TTC39A: variants seen among roughly 807,000 people sequenced by gnomAD.
TTC39A encodes the protein tetratricopeptide repeat protein 39A.
In TTC39A, 46 loss-of-function variants were observed where a neutral mutation model predicts 82.3. The observed-to-expected ratio is 0.56, with a 90% CI of 0.44 to 0.71. TTC39A has a LOEUF of 0.71. TTC39A is among the 30% of genes least tolerant of loss of function. The pLI, the probability that TTC39A is intolerant of heterozygous loss-of-function variation, is 0.00. For missense variants in TTC39A, 543 were observed against 712.9 expected (o/e 0.76, Z 2.71); for synonymous variants, 254 against 275.2 (o/e 0.92, Z 0.76).
Position 51,321,706 on chromosome 1 carries a change from G to C in TTC39A, c.146+15C>G, listed in dbSNP as rs550068330. The stretch of plus-strand genomic sequence containing the variant: ...TCATGCACACCCCCTACCCCAACCG[G>C]GGCTTGAGCCTCACCTGGGCTTGAG... On this transcript the variant is annotated intron_variant, in intron 2 of 17. Coordinates refer to ENST00000680483, the MANE Select transcript of TTC39A (RefSeq NM_001297663.2). This position sits in a 1 kb window ranked among gnomAD's most constrained non-coding sequence, Gnocchi z 4.6. 7.4e-6 allele frequency: 12 copies of C among 1,612,452 alleles called. No individual in the cohort carries two copies. The highest frequency in any genetic ancestry group is 8.5e-6 in the Non-Finnish European group (10 of 1,179,102).
At chr1:51,290,835 AC>A (rs1644182928) in intron 14 of TTC39A, among the ~76,000 whole-genome samples, 1 of 151,944 alleles carries the variant, frequency 6.6e-6, no homozygotes, top group Non-Finnish European at 1.5e-5. Context: ...ATCTCACCTT[AC>A]CCCAGTGAAG....
rs182800576 is a variant in TTC39A at position 51,321,634 on chromosome 1, G to A, written c.146+87C>T. 1.7e-3 allele frequency: 2,219 copies of A among 1,286,008 alleles called. 3 individuals carry two copies. Among genetic ancestry groups the A allele is most frequent in the Non-Finnish European group, 2.2e-3 (1,957 of 906,858 alleles). The allele number at this position is 1,286,008 out of a possible 1,614,324, so 79.7% of individuals were successfully genotyped here. ...TGACCCAGAAAGCCAAAGGCATTTA[G>A]TTACACAGGGTTCCTCTCATACAAG... On this transcript the variant is annotated intron_variant, in intron 2 of 17. Transcript: ENST00000680483. The surrounding 1 kb of genome is among the most constrained non-coding windows in gnomAD (Gnocchi z 4.6).
intron 1 of TTC39A, among the ~76,000 whole-genome samples, chr1:51,324,822 T>C (rs1341070544): frequency 8.6e-5 from 13 of 151,942 alleles, no homozygotes; most frequent in Admixed American, 8.5e-4. Context: ...CGTGAGCCAC[T>C]GCACCTGGCC....
At chr1:51,305,516 C>A in intron 7 of TTC39A, 1 of 323,076 alleles carries the variant, frequency 3.1e-6, no homozygotes. Context: ...GGAGCCAGCA[C>A]AGATGCTCAC....
intron 1 of TTC39A, among the ~76,000 whole-genome samples, chr1:51,344,071 CG>C (rs1646067714): frequency 6.6e-6 from 1 of 152,162 alleles, no homozygotes; most frequent in East Asian, 1.9e-4. Context: ...GACTTGTAGA[CG>C]GGGGTGGGAG....
At position 51,294,560 on chromosome 1, in the gene TTC39A, G is replaced by C; in HGVS notation, c.1146-49C>G. ...GGAGAGGATGAAAAAGAGCAGGAGA[G>C]GGCAGAGGGTCCCCAGCCTACCCAG... On this transcript the variant is annotated intron_variant, in intron 13 of 17. Transcript: ENST00000680483. This position sits in a 1 kb window ranked among gnomAD's most constrained non-coding sequence, Gnocchi z 4.3. 1 of 1,610,416 alleles carries C rather than the reference G, an allele frequency of 6.2e-7. No individual in the cohort carries two copies. The highest frequency in any genetic ancestry group is 8.5e-7 in the Non-Finnish European group (1 of 1,178,522).
At chr1:51,303,591 TC>T (rs1190483683) in intron 8 of TTC39A, among the ~76,000 whole-genome samples, 1 of 152,162 alleles carries the variant, frequency 6.6e-6, no homozygotes, top group Non-Finnish European at 1.5e-5. Context: ...TGGGAAGGCT[TC>T]CTGGGGGAGA....
At chr1:51,318,602 C>T (rs957952187) in intron 2 of TTC39A, among the ~76,000 whole-genome samples, 1 of 152,156 alleles carries the variant, frequency 6.6e-6, no homozygotes, top group African/African-American at 2.4e-5. Flanking sequence ...GGAAACCAGT[C>T]CCCTGGCCTC....
chr1:51,342,186 A>C (rs1646045741), intron 1 of TTC39A, among the ~76,000 whole-genome samples: 1 of 152,204 alleles, frequency 6.6e-6, no homozygotes. Context: ...TGTAAGATGC[A>C]TGGGCGTTAG....
intron 12 of TTC39A, chr1:51,301,279 A>G (rs1318127565): frequency 1.7e-5 from 5 of 288,866 alleles, no homozygotes; most frequent in Non-Finnish European, 2.6e-5. Flanking sequence ...GCTGGTGACT[A>G]CCATATTTGG....
chr1:51,309,343 G>A lies in TTC39A; in HGVS notation c.424-18C>T, dbSNP rs776755642. Reference sequence around the variant, plus strand: ...TTCTCGTCCTGCAGGAGGAAAAGATGCTGACGGCCTGGCCCAGGTGGGCAG... The same window carrying A: ...TTCTCGTCCTGCAGGAGGAAAAGATACTGACGGCCTGGCCCAGGTGGGCAG... On this transcript the variant is annotated intron_variant, in intron 5 of 17. Transcript: ENST00000680483. The A allele has an allele frequency of 3.1e-6, 5 of 1,612,914 alleles. No individual in the cohort carries two copies. The African/African-American group carries it at 5.3e-5, about 17-fold the overall frequency.
chr1:51,340,777 C>T (rs1387561072), intron 1 of TTC39A, among the ~76,000 whole-genome samples: 2 of 152,310 alleles, frequency 1.3e-5, no homozygotes, highest in East Asian at 1.9e-4. Context: ...GGAGGTGAGT[C>T]CTAACATTAC....
chr1:51,288,046 T>C lies in TTC39A; in HGVS notation c.*111A>G, dbSNP rs2148087698. 1 of 1,475,780 alleles carries C rather than the reference T, an allele frequency of 6.8e-7. No homozygotes were observed. 91.4% of individuals were successfully genotyped at this position (1,475,780 alleles called of 1,614,324 possible). ...ACTATGTTGTGCCATCCAACTGGAGTGCCGGTGGACCCCAAAGGCAGGGCA... is the reference window on the plus strand; with the variant it reads ...ACTATGTTGTGCCATCCAACTGGAGCGCCGGTGGACCCCAAAGGCAGGGCA... On this transcript the variant is annotated 3_prime_UTR_variant, in exon 18 of 18. Coordinates refer to ENST00000680483, the MANE Select transcript of TTC39A (RefSeq NM_001297663.2). The surrounding 1 kb of genome is among the most constrained non-coding windows in gnomAD (Gnocchi z 4.8).
intron 16 of TTC39A, 138 bp downstream of exon 16, chr1:51,289,867 T>C: frequency 1.5e-6 from 1 of 658,400 alleles, no homozygotes; most frequent in Admixed American, 3.0e-5. Flanking sequence ...TGGCACAGAG[T>C]GGACACTGGT....
intron 2 of TTC39A, among the ~76,000 whole-genome samples, chr1:51,318,673 A>G (rs2148263773): frequency 6.6e-6 from 1 of 152,276 alleles, no homozygotes; most frequent in African/African-American, 2.4e-5. Context: ...AAAGAAGGGG[A>G]CTACGGAGAG....
At chr1:51,319,246 T>C (rs1259571086) in intron 2 of TTC39A, among the ~76,000 whole-genome samples, 2 of 151,680 alleles carry the variant, frequency 1.3e-5, no homozygotes, top group African/African-American at 2.4e-5. Flanking sequence ...GTTACAGAGA[T>C]AAAGAAGTCA....
chr1:51,341,212 A>C lies in TTC39A; in HGVS notation c.53+3779T>G, dbSNP rs1646032930. Among the ~76,000 whole-genome samples, 6 of 131,006 alleles carry C rather than the reference A, an allele frequency of 4.6e-5. No homozygotes were observed. In the South Asian group the frequency reaches 1.7e-3, roughly 37 times the overall value. 85.9% of individuals were successfully genotyped at this position (131,006 alleles called of 152,430 possible). A position where few individuals can be genotyped will look rare whatever the true frequency, so the allele number is the denominator to read the frequency against. On this transcript the variant is annotated intron_variant, in intron 1 of 5. Transcript: ENST00000401051. Reference sequence around the variant, plus strand: ...CCCCCGCCCACACACACACCAAAAAAACAAAACCAGCTTATGTGGCCCCAG... The same window carrying C: ...CCCCCGCCCACACACACACCAAAAACACAAAACCAGCTTATGTGGCCCCAG...
intron 3 of TTC39A, 22 bp downstream of exon 3, chr1:51,312,790 C>A: frequency 1.9e-6 from 3 of 1,610,336 alleles, no homozygotes; most frequent in Non-Finnish European, 2.5e-6. Context: ...AACCTCTGAT[C>A]CCTGCCCCCA....
intron 1 of TTC39A, among the ~76,000 whole-genome samples, chr1:51,344,061 G>A (rs914449714): frequency 1.3e-5 from 2 of 152,170 alleles, no homozygotes; most frequent in Non-Finnish European, 2.9e-5. Context: ...AAATCAACAG[G>A]ACTTGTAGAC....
Sources: allele counts gnomAD v4.1 joint callset (sites outside exome capture counted in the v4.1 genomes callset), GRCh38; gene constraint gnomAD v4.1.1; non-coding constraint Gnocchi (gnomAD v3.1); transcripts MANE v1.5; gene names NCBI Gene and HGNC (gene_info 2026-07-23, HGNC 2026-07-21).